The following CMTM8 variants were observed in gnomAD, a reference collection of about 807,000 sequenced individuals.
CMTM8 encodes CKLF-like MARVEL transmembrane domain-containing protein 8.
A neutral mutation model predicts 18.6 loss-of-function variants in CMTM8; 12 were observed. The observed-to-expected ratio is 0.65, with a 90% CI of 0.41 to 1.05. CMTM8 has a LOEUF of 1.05. Among genes scored for constraint, CMTM8 ranks in the 50% least tolerant of loss-of-function variants. The pLI is 0.00. For missense variants in CMTM8, 217 were observed against 227.2 expected (o/e 0.95, Z 0.29); for synonymous variants, 87 against 90.6 (o/e 0.96, Z 0.23).
chr3:32,350,512 C>T (rs62243336), intron 1 of CMTM8, among the ~76,000 whole-genome samples: 1 of 138,040 alleles, frequency 7.2e-6, no homozygotes. Context: ...TGCGTGCCAC[C>T]AGGCCCAGCT....
chr3:32,311,111 G>A (rs1695812382), intron 1 of CMTM8, among the ~76,000 whole-genome samples: 1 of 152,220 alleles, frequency 6.6e-6, no homozygotes, highest in South Asian at 2.1e-4. Context: ...CGGTATCGGG[G>A]ATGGTCAGCA....
chr3:32,275,664 T>G (rs1333206472), intron 1 of CMTM8, among the ~76,000 whole-genome samples: 16 of 116,236 alleles, frequency 1.4e-4, no homozygotes, highest in African/African-American at 4.8e-4. Context: ...TTTTTTTTTT[T>G]TTGGGGACAG....
At chr3:32,289,043 G>T (rs558198666) in intron 1 of CMTM8, among the ~76,000 whole-genome samples, 56 of 152,152 alleles carry the variant, frequency 3.7e-4, no homozygotes, top group Non-Finnish European at 6.9e-4. Flanking sequence ...TGCATACAGG[G>T]GCCAGGAAGG....
At chr3:32,262,204 C>T (rs370664620) in intron 1 of CMTM8, among the ~76,000 whole-genome samples, 21 of 152,238 alleles carry the variant, frequency 1.4e-4, no homozygotes, top group South Asian at 1.2e-3. Flanking sequence ...AGGAATGGGA[C>T]GCTGGGATTT....
chr3:32,293,194 C>A (rs1575163210), intron 1 of CMTM8, among the ~76,000 whole-genome samples: 1 of 151,914 alleles, frequency 6.6e-6, no homozygotes. Context: ...TGTGGAGGTG[C>A]CATCATTGAT....
chr3:32,347,363 G>T (rs1575089146), intron 1 of CMTM8, among the ~76,000 whole-genome samples: 1 of 147,256 alleles, frequency 6.8e-6, no homozygotes, highest in African/African-American at 2.5e-5. Flanking sequence ...CTCGCCTGCA[G>T]CTGGCTGGCT....
At chr3:32,359,841 G>A in intron 2 of CMTM8, among the ~76,000 whole-genome samples, 1 of 152,138 alleles carries the variant, frequency 6.6e-6, no homozygotes. Context: ...TTATCGTAAG[G>A]TGTGTCCCCA....
rs1408850477 is a variant in CMTM8, at chr3:32,370,174, CTTA to C, written c.*211_*213del. ...TAGCTTATAATGAACTCTTAAGTAT[CTTA>C]TTAATGTATTAATGTCTTCATAGAT... On this transcript the variant is annotated 3_prime_UTR_variant, in exon 4 of 4. Coordinates refer to ENST00000307526, the MANE Select transcript of CMTM8 (RefSeq NM_178868.5). 4 of 297,538 alleles carry C rather than the reference CTTA, an allele frequency of 1.3e-5. No individual in the cohort carries two copies. The highest frequency in any genetic ancestry group is 8.6e-5 in the African/African-American group (4 of 46,598). 18.4% of individuals were successfully genotyped at this position (297,538 alleles called of 1,614,324 possible).
At chr3:32,331,728 G>A (rs1696277866) in intron 1 of CMTM8, among the ~76,000 whole-genome samples, 4 of 152,180 alleles carry the variant, frequency 2.6e-5, no homozygotes, top group Admixed American at 2.6e-4. Context: ...TCTGTCATAT[G>A]CTACACATGG....
At chr3:32,349,287 C>G (rs1386569784) in intron 1 of CMTM8, among the ~76,000 whole-genome samples, 2 of 151,992 alleles carry the variant, frequency 1.3e-5, no homozygotes, top group African/African-American at 4.8e-5. Flanking sequence ...GAAGATTGAC[C>G]TGGCTGGGCT....
intron 1 of CMTM8, among the ~76,000 whole-genome samples, chr3:32,350,007 C>CA (rs151113777): frequency 1.4e-4 from 20 of 146,068 alleles, no homozygotes; most frequent in Admixed American, 4.8e-4. Context: ...GACTTTGTCT[C>CA]AAAAAAAAAA....
chr3:32,328,193 T>C (rs1696199210), intron 1 of CMTM8, among the ~76,000 whole-genome samples: 1 of 151,812 alleles, frequency 6.6e-6, no homozygotes, highest in Non-Finnish European at 1.5e-5. Flanking sequence ...CTGGCCAACA[T>C]GGTAAAACCC....
chr3:32,306,908 C>T (rs577285657), intron 1 of CMTM8, among the ~76,000 whole-genome samples: 23 of 152,272 alleles, frequency 1.5e-4, no homozygotes, highest in African/African-American at 5.3e-4. Flanking sequence ...GAATTAAGGT[C>T]ATAAAAATGG....
intron 1 of CMTM8, among the ~76,000 whole-genome samples, chr3:32,252,997 A>ATGAATG (rs1422995004): frequency 1.3e-5 from 2 of 152,188 alleles, no homozygotes; most frequent in Non-Finnish European, 2.9e-5. Flanking sequence ...GAATGGACCT[A>ATGAATG]GGAGATAGGA....
At chr3:32,251,319 A>G (rs1702107405) in intron 1 of CMTM8, among the ~76,000 whole-genome samples, 1 of 151,830 alleles carries the variant, frequency 6.6e-6, no homozygotes, top group Admixed American at 6.6e-5. Context: ...TAATTAATTC[A>G]TTCATTTTTT....
At position 32,355,357 on chromosome 3, in the gene CMTM8, T is replaced by G. The variant is rs573966909; in HGVS notation, c.148-2016T>G. Among the ~76,000 whole-genome samples the G allele has an allele frequency of 2.0e-5, 3 of 152,300 alleles. No individual in the cohort carries two copies. In the East Asian group the frequency reaches 5.8e-4, roughly 29 times the overall value. Reference sequence around the variant, plus strand: ...TCCAACAGAACAAGTCCAACCCTGATCTACTCCAGAAATCTTTCTAGATAC... The same window carrying G: ...TCCAACAGAACAAGTCCAACCCTGAGCTACTCCAGAAATCTTTCTAGATAC... On this transcript the variant is annotated intron_variant, in intron 1 of 3. Transcript: ENST00000307526.
At chr3:32,336,560 G>A (rs143010798) in intron 1 of CMTM8, among the ~76,000 whole-genome samples, 1 of 152,340 alleles carries the variant, frequency 6.6e-6, no homozygotes, top group East Asian at 1.9e-4. Flanking sequence ...TCATACAACT[G>A]TTGTGTGGCT....
At chr3:32,351,809 A>G (rs2125595553) in intron 1 of CMTM8, among the ~76,000 whole-genome samples, 1 of 152,264 alleles carries the variant, frequency 6.6e-6, no homozygotes, top group East Asian at 1.9e-4. Context: ...TGCCACATAT[A>G]TAGTTGGTTA....
intron 1 of CMTM8, among the ~76,000 whole-genome samples, chr3:32,325,176 A>T (rs1199235747): frequency 6.6e-6 from 1 of 152,184 alleles, no homozygotes; most frequent in African/African-American, 2.4e-5. Flanking sequence ...ACTATTTAAA[A>T]TTTTAGCTCA....
Sources: allele counts gnomAD v4.1 joint callset (sites outside exome capture counted in the v4.1 genomes callset), GRCh38; gene constraint gnomAD v4.1.1; transcripts MANE v1.5; gene names NCBI Gene and HGNC (gene_info 2026-07-23, HGNC 2026-07-21).